Variants in MGAT4C observed in about 807,000 individuals in gnomAD.
The protein encoded by MGAT4C is MGAT4 family member C.
Under a neutral mutation model 40.1 loss-of-function variants are expected in MGAT4C, and 19 were observed. The ratio of observed to expected loss-of-function variants is 0.47; its 90% confidence interval spans 0.33 to 0.70. The LOEUF (loss-of-function observed/expected upper bound fraction) is 0.70. Ranked by LOEUF, MGAT4C falls within the 30% of genes least tolerant of loss-of-function variation. MGAT4C has a pLI of 0.02. For missense variants in MGAT4C, 491 were observed against 563.2 expected, an observed-to-expected ratio of 0.87 and a Z score of 1.30; for synonymous variants, 181 against 187.1, an observed-to-expected ratio of 0.97 and a Z score of 0.27.
chr12:86,502,497 G>A (rs1384091149), intron 2 of MGAT4C, among the ~76,000 whole-genome samples: 1 of 151,762 alleles, frequency 6.6e-6, no homozygotes, highest in African/African-American at 2.4e-5. Flanking sequence ...AAAGTTAACT[G>A]TGGACTTTGG....
At chr12:86,382,291 C>T (rs1248898057) in intron 3 of MGAT4C, among the ~76,000 whole-genome samples, 1 of 152,104 alleles carries the variant, frequency 6.6e-6, no homozygotes, top group Non-Finnish European at 1.5e-5. Context: ...AGACTGGTGG[C>T]ATTGTGCCCC....
chr12:86,515,738 C>CTTTTT (rs940550644), intron 2 of MGAT4C, among the ~76,000 whole-genome samples: 3 of 133,458 alleles, frequency 2.2e-5, no homozygotes, highest in African/African-American at 8.3e-5. Flanking sequence ...TAAAGCAATT[C>CTTTTT]TTTTTTTTTT....
At chr12:86,209,283 T>C (rs1284965497) in intron 1 of MGAT4C, among the ~76,000 whole-genome samples, 1 of 152,060 alleles carries the variant, frequency 6.6e-6, no homozygotes, top group African/African-American at 2.4e-5. Context: ...TTACATTGTG[T>C]TAAAGTTGGA....
intron 1 of MGAT4C, among the ~76,000 whole-genome samples, chr12:86,168,503 T>C (rs188189055): frequency 3.3e-5 from 5 of 152,062 alleles, no homozygotes; most frequent in Admixed American, 2.0e-4. Context: ...GTGCCAAAGA[T>C]AGAAAACAAA....
intron 2 of MGAT4C, among the ~76,000 whole-genome samples, chr12:86,534,731 T>G (rs540484193): frequency 6.6e-6 from 1 of 152,266 alleles, no homozygotes; most frequent in South Asian, 2.1e-4. Flanking sequence ...ATCTTACAAA[T>G]TTACAATTCA....
intron 1 of MGAT4C, among the ~76,000 whole-genome samples, chr12:86,224,170 T>C (rs967342113): frequency 6.6e-6 from 1 of 152,032 alleles, no homozygotes; most frequent in Non-Finnish European, 1.5e-5. Context: ...AGACTGCCCA[T>C]CTGGCATCCC....
At chr12:86,566,963 G>T (rs990403027) in intron 2 of MGAT4C, among the ~76,000 whole-genome samples, 1 of 151,930 alleles carries the variant, frequency 6.6e-6, no homozygotes, top group African/African-American at 2.4e-5. Flanking sequence ...GTGGGCTCAC[G>T]CTCATGGAAT....
chr12:86,317,762 G>A (rs543736755), intron 4 of MGAT4C, among the ~76,000 whole-genome samples: 1 of 151,802 alleles, frequency 6.6e-6, no homozygotes, highest in East Asian at 1.9e-4. Context: ...GTAAAGAAGT[G>A]AATTAATAAG....
intron 2 of MGAT4C, among the ~76,000 whole-genome samples, chr12:86,461,252 T>C (rs1358470319): frequency 6.7e-6 from 1 of 148,944 alleles, no homozygotes; most frequent in Non-Finnish European, 1.5e-5. Context: ...TTTTTTTTTT[T>C]TTTTGAGACG....
intron 2 of MGAT4C, among the ~76,000 whole-genome samples, chr12:86,587,405 C>G (rs1357076137): frequency 2.6e-5 from 4 of 152,044 alleles, no homozygotes; most frequent in African/African-American, 7.2e-5. Flanking sequence ...CAGCTTTGTT[C>G]TTTTGGCTTA....
intron 2 of MGAT4C, among the ~76,000 whole-genome samples, chr12:86,039,599 G>A (rs1465926030): frequency 6.6e-6 from 1 of 152,022 alleles, no homozygotes. Context: ...CCCTAAACTG[G>A]TTATTCTAGT....
At chr12:86,352,968 G>A (rs755453205) in intron 3 of MGAT4C, among the ~76,000 whole-genome samples, 4 of 150,396 alleles carry the variant, frequency 2.7e-5, no homozygotes, top group Non-Finnish European at 5.9e-5. Context: ...GTATACATAT[G>A]TAACAAACCT....
At chr12:86,030,066 G>T (rs1038087392) in intron 2 of MGAT4C, among the ~76,000 whole-genome samples, 1 of 151,666 alleles carries the variant, frequency 6.6e-6, no homozygotes, top group Non-Finnish European at 1.5e-5. Flanking sequence ...CGTATTTCAT[G>T]ACAAAGACTT....
In MGAT4C at chr12:86,198,387, T is replaced by C. The variant is rs143812163; in HGVS notation, c.-57+57852A>G. On this transcript the variant is annotated intron_variant, in intron 1 of 4. Coordinates refer to ENST00000611864, the MANE Select transcript of MGAT4C (RefSeq NM_001351288.2). ...TCCACAATCTAATTTTTTTGACTAA[T>C]CTGTTTGACTTTCTGACATTACATT... Among the ~76,000 whole-genome samples the C allele has an allele frequency of 3.2e-3, 490 of 152,318 alleles. 2 individuals carry two copies. The highest frequency in any genetic ancestry group is 0.011 in the African/African-American group (455 of 41,580).
intron 1 of MGAT4C, among the ~76,000 whole-genome samples, chr12:86,749,696 C>T (rs1272127654): frequency 2.0e-5 from 3 of 151,646 alleles, no homozygotes; most frequent in Non-Finnish European, 4.4e-5. Flanking sequence ...AGAATGCTGC[C>T]AATTTTGGAG....
At chr12:86,811,329 T>C (rs1952468009) in intron 1 of MGAT4C, among the ~76,000 whole-genome samples, 1 of 143,570 alleles carries the variant, frequency 7.0e-6, no homozygotes, top group East Asian at 2.0e-4. Context: ...ACCAAGGCAC[T>C]CATAGTATTT....
At chr12:86,761,155 T>C (rs1305196846) in intron 1 of MGAT4C, among the ~76,000 whole-genome samples, 2 of 152,174 alleles carry the variant, frequency 1.3e-5, no homozygotes, top group Non-Finnish European at 2.9e-5. Flanking sequence ...AGTTTTGTGG[T>C]TGGCCTCCAT....
At chr12:86,499,564 A>C (rs534756321) in intron 2 of MGAT4C, among the ~76,000 whole-genome samples, 1 of 151,978 alleles carries the variant, frequency 6.6e-6, no homozygotes, top group East Asian at 1.9e-4. Context: ...CACCTAAAAA[A>C]TTCTGCCAGA....
rs952063321 is a variant in MGAT4C, at chr12:86,764,403, GC to G, written c.-261-37163del. Among the ~76,000 whole-genome samples the G allele has an allele frequency of 3.4e-4, 52 of 152,282 alleles. 1 individual carries two copies. The highest frequency in any genetic ancestry group is 1.2e-3 in the African/African-American group (51 of 41,584). ...AGCCCACCACAGCTCAAGGAGGCCTGCCGGCCTCTGTAGGCTCCACCTCTGG... is the reference window on the plus strand; with the variant it reads ...AGCCCACCACAGCTCAAGGAGGCCTGCGGCCTCTGTAGGCTCCACCTCTGG... On this transcript the variant is annotated intron_variant, in intron 1 of 7. Coordinates refer to the MGAT4C transcript ENST00000548651.
Sources: gnomAD v4.1 joint callset for allele counts (sites outside exome capture counted in the v4.1 genomes callset) on GRCh38, gnomAD v4.1.1 for gene constraint, MANE v1.5 for transcripts, NCBI Gene and HGNC (gene_info 2026-07-23, HGNC 2026-07-21) for gene names.